NAALADL2: variants seen among roughly 807,000 people sequenced by gnomAD.
NAALADL2 encodes the protein inactive N-acetylated-alpha-linked acidic dipeptidase-like protein 2.
A neutral mutation model predicts 87.2 loss-of-function variants in NAALADL2; 76 were observed. The observed-to-expected ratio is 0.87, with a 90% CI of 0.72 to 1.05. NAALADL2 has a LOEUF of 1.05. Among genes scored for constraint, NAALADL2 ranks in the 50% least tolerant of loss-of-function variants. NAALADL2 has a pLI of 0.00. For synonymous variants in NAALADL2, 354 were observed against 331.0 expected, an observed-to-expected ratio of 1.07 and a Z score of -0.75; for missense variants, 1,089 against 945.8, an observed-to-expected ratio of 1.15 and a Z score of -1.99.
At chr3:174,763,542 G>A (rs529795265) in intron 3 of NAALADL2, among the ~76,000 whole-genome samples, 26 of 124,136 alleles carry the variant, frequency 2.1e-4, no homozygotes, top group African/African-American at 8.4e-4. Context: ...AACCGAGATT[G>A]CGCCACTGCA....
chr3:174,882,815 A>G (rs1221805645), intron 1 of NAALADL2, among the ~76,000 whole-genome samples: 16 of 135,304 alleles, frequency 1.2e-4, no homozygotes, highest in African/African-American at 4.6e-4. Context: ...ATATGTGCAT[A>G]TGTGTATATA....
At chr3:175,749,842 G>A (rs186667783) in intron 12 of NAALADL2, among the ~76,000 whole-genome samples, 6 of 152,270 alleles carry the variant, frequency 3.9e-5, no homozygotes, top group Non-Finnish European at 8.8e-5. Flanking sequence ...ACGGCCTTAC[G>A]CAGAAGTCTT....
intron 2 of NAALADL2, among the ~76,000 whole-genome samples, chr3:174,652,358 G>C (rs902483924): frequency 1.3e-5 from 2 of 151,404 alleles, no homozygotes; most frequent in East Asian, 3.9e-4. Flanking sequence ...CAACCATAAT[G>C]TATTAGTTTG....
At chr3:174,882,598 CACAT>C (rs1296450663) in intron 1 of NAALADL2, among the ~76,000 whole-genome samples, 28 of 140,326 alleles carry the variant, frequency 2.0e-4, no homozygotes, top group East Asian at 4.0e-4. Context: ...TGTGTATATA[CACAT>C]ACATATATGT....
At chr3:174,501,458 C>G (rs1023038275) in intron 1 of NAALADL2, among the ~76,000 whole-genome samples, 4 of 152,064 alleles carry the variant, frequency 2.6e-5, no homozygotes, top group African/African-American at 9.7e-5. Context: ...TCTCAGTTTT[C>G]TGGTAGATTT....
chr3:174,597,176 C>T (rs1379738457), intron 2 of NAALADL2, among the ~76,000 whole-genome samples: 1 of 152,140 alleles, frequency 6.6e-6, no homozygotes, highest in Admixed American at 6.5e-5. Context: ...CTGGAAGAAA[C>T]CAAGTGTAAG....
At chr3:175,421,021 G>A (rs1451249669) in intron 5 of NAALADL2, among the ~76,000 whole-genome samples, 8 of 151,868 alleles carry the variant, frequency 5.3e-5, no homozygotes, top group Admixed American at 1.3e-4. Context: ...TTTCTGGAAC[G>A]GATATAGAAT....
intron 2 of NAALADL2, among the ~76,000 whole-genome samples, chr3:174,637,053 A>G (rs113615689): frequency 5.9e-4 from 90 of 152,254 alleles, no homozygotes; most frequent in African/African-American, 2.6e-4. Context: ...ATTATGTTAA[A>G]TGAAATAAGC....
At chr3:174,906,201 G>A (rs12696367) in intron 1 of NAALADL2, among the ~76,000 whole-genome samples, 27,884 of 151,976 alleles carry the variant, frequency 0.18, 2,774 homozygotes, top group East Asian at 0.31. Context: ...AAACAAGAAG[G>A]TTTCTTGAAA....
At chr3:175,679,642 T>A (rs1386559870) in intron 11 of NAALADL2, among the ~76,000 whole-genome samples, 1 of 152,172 alleles carries the variant, frequency 6.6e-6, no homozygotes, top group Non-Finnish European at 1.5e-5. Context: ...TTTAGCAATC[T>A]TAATTAGAAT....
At position 175,316,798 on chromosome 3, in the gene NAALADL2, A is replaced by G. The variant is rs188775155; in HGVS notation, c.940-7377A>G. Among the ~76,000 whole-genome samples, 1,135 of 152,328 alleles carry G rather than the reference A, an allele frequency of 7.5e-3. 14 individuals carry two copies. Among genetic ancestry groups the G allele is most frequent in the African/African-American group, 0.026 (1,091 of 41,584 alleles). On this transcript the variant is annotated intron_variant, in intron 4 of 13. Transcript: ENST00000454872. ...TCAGCATGTTCAAAATGTAGTTAAC[A>G]ATACAGAGGAACACTTCTCATTTGG...
chr3:174,929,479 G>A (rs938694337), intron 1 of NAALADL2, among the ~76,000 whole-genome samples: 2 of 152,092 alleles, frequency 1.3e-5, no homozygotes, highest in African/African-American at 4.8e-5. Flanking sequence ...TGAAAGAATT[G>A]TATGGCCTTA....
chr3:175,771,198 A>G (rs1749439886), intron 13 of NAALADL2, among the ~76,000 whole-genome samples: 1 of 152,180 alleles, frequency 6.6e-6, no homozygotes, highest in Non-Finnish European at 1.5e-5. Context: ...AATCCATAAA[A>G]TCATATTTTC....
At chr3:174,745,402 G>A (rs925228642) in intron 3 of NAALADL2, among the ~76,000 whole-genome samples, 17 of 152,038 alleles carry the variant, frequency 1.1e-4, no homozygotes, top group South Asian at 4.1e-4. Context: ...GGAGGAAGTC[G>A]AATCCCTGAA....
In NAALADL2 at chr3:174,813,558, C is replaced by T. The variant is rs148308868; in HGVS notation, c.-9+75812C>T. On this transcript the variant is annotated intron_variant, in intron 3 of 3. Transcript: ENST00000434257. ...GTAAGCTATACCAACTAGGAAAGTA[C>T]GGTCTATGATGTTCGCATAAAGATG... Among the ~76,000 whole-genome samples, 516 of 152,284 alleles carry T rather than the reference C, an allele frequency of 3.4e-3. 2 individuals carry two copies. Among genetic ancestry groups the T allele is most frequent in the African/African-American group, 0.012 (483 of 41,558 alleles).
At chr3:175,193,549 A>G (rs1738525531) in intron 2 of NAALADL2, among the ~76,000 whole-genome samples, 1 of 151,796 alleles carries the variant, frequency 6.6e-6, no homozygotes, top group Non-Finnish European at 1.5e-5. Context: ...ATAAGAAATA[A>G]CTTCACCTTT....
intron 3 of NAALADL2, among the ~76,000 whole-genome samples, chr3:174,762,002 A>G (rs1166123425): frequency 6.6e-6 from 1 of 152,108 alleles, no homozygotes; most frequent in Admixed American, 6.6e-5. Context: ...AATATTTTAG[A>G]GTTATACATC....
chr3:174,503,027 GAA>G lies in NAALADL2; in HGVS notation c.-183-47530_-183-47529del, dbSNP rs35693213. Among the ~76,000 whole-genome samples the G allele has an allele frequency of 8.2e-5, 11 of 134,392 alleles. No homozygotes were observed. The South Asian group carries it at 9.5e-4, about 12-fold the overall frequency. The allele number at this position is 134,392 out of a possible 152,430, so 88.2% of individuals were successfully genotyped here. On this transcript the variant is annotated intron_variant, in intron 1 of 3. Coordinates refer to the NAALADL2 transcript ENST00000434257. Reference sequence around the variant, plus strand: ...TGGGTGACAGAGTGATACTCCATCTGAAAAAAAAAAAAACCTCTTATCTTTCA... The same window carrying G: ...TGGGTGACAGAGTGATACTCCATCTGAAAAAAAAAAACCTCTTATCTTTCA...
rs1714467065 is a variant in NAALADL2, at chr3:175,415,540, G to A, written c.1091-31689G>A. On this transcript the variant is annotated intron_variant, in intron 5 of 13. Coordinates refer to ENST00000454872, the MANE Select transcript of NAALADL2 (RefSeq NM_207015.3). ...AATGTGAGAAAATAAATAACGCAAT[G>A]AGAAATACAAAGACTAAACAAACAT... 2.6e-5 allele frequency among the ~76,000 whole-genome samples: 4 copies of A among 151,942 alleles called. No homozygotes were observed. The South Asian group carries it at 8.3e-4, about 31-fold the overall frequency.
Sources: gnomAD v4.1 joint callset for allele counts (sites outside exome capture counted in the v4.1 genomes callset) on GRCh38, gnomAD v4.1.1 for gene constraint, MANE v1.5 for transcripts, NCBI Gene and HGNC (gene_info 2026-07-23, HGNC 2026-07-21) for gene names.